The following WDR70 variants were observed in gnomAD, a reference collection of about 807,000 sequenced individuals.
WDR70 encodes WD repeat-containing protein 70.
WDR70 carries 53 observed loss-of-function variants against 88.6 expected under a neutral mutation model. The ratio of observed to expected loss-of-function variants is 0.60; its 90% CI spans 0.48 to 0.75. The LOEUF is 0.75. WDR70 is among the 30% of genes least tolerant of loss of function. The pLI is 0.00. For missense variants in WDR70, 610 were observed against 823.2 expected, an observed-to-expected ratio of 0.74 and a Z score of 3.17; for synonymous variants, 280 against 270.0, an observed-to-expected ratio of 1.04 and a Z score of -0.36.
Position 37,500,716 on chromosome 5 carries a change from C to CTTT in WDR70, c.841-15774_841-15772dup, listed in dbSNP as rs550821207. On this transcript the variant is annotated intron_variant, in intron 8 of 17. Coordinates refer to ENST00000265107, the MANE Select transcript of WDR70 (RefSeq NM_018034.4). ...GAGCATTTTATCATATATTTGTTGGCTTTTTTTTTTTTTTTTTTTTTTTTT... is the reference window on the plus strand; with the variant it reads ...GAGCATTTTATCATATATTTGTTGGCTTTTTTTTTTTTTTTTTTTTTTTTTTTT... Among the ~76,000 whole-genome samples, 567 of 63,258 alleles carry CTTT rather than the reference C, an allele frequency of 9.0e-3. 133 individuals carry two copies. The highest frequency in any genetic ancestry group is 0.014 in the African/African-American group (269 of 18,842). 41.5% of individuals were successfully genotyped at this position (63,258 alleles called of 152,430 possible). A position where few individuals can be genotyped will look rare whatever the true frequency, so the allele number is the denominator to read the frequency against.
rs138620985 is a variant in WDR70 at position 37,530,361 on chromosome 5, G to A, written c.917+13771G>A. On this transcript the variant is annotated intron_variant, in intron 9 of 17. Coordinates refer to ENST00000265107, the MANE Select transcript of WDR70 (RefSeq NM_018034.4). ...AGATTCCCTCTTTCTCTATCCTGTG[G>A]AACAGTGTCAATAGTATTGCTACCA... is the stretch of plus-strand genomic sequence containing the variant. Among the ~76,000 whole-genome samples the A allele has an allele frequency of 6.0e-3, 918 of 152,170 alleles. 2 individuals are homozygous for A. Among genetic ancestry groups the A allele is most frequent in the Middle Eastern group, 0.034 (10 of 294 alleles).
Position 37,737,626 on chromosome 5 carries a change from A to G in WDR70, c.1877+10581A>G, listed in dbSNP as rs186362000. Among the ~76,000 whole-genome samples, 4 of 152,274 alleles carry G rather than the reference A, an allele frequency of 2.6e-5. No individual in the cohort carries two copies. The East Asian group carries it at 7.7e-4, about 29-fold the overall frequency. On this transcript the variant is annotated intron_variant, in intron 17 of 17. Transcript: ENST00000265107. ...AGCTTTCGTGCATGTTTTTTAATAG[A>G]AATTGTGGCACACAGTTATATATCT...
At chr5:37,613,090 T>C (rs970691778) in intron 10 of WDR70, among the ~76,000 whole-genome samples, 28 of 152,338 alleles carry the variant, frequency 1.8e-4, no homozygotes, top group African/African-American at 6.7e-4. Flanking sequence ...GCAAATGCTT[T>C]TGTTACACAT....
chr5:37,473,184 T>A (rs543534001), intron 7 of WDR70, among the ~76,000 whole-genome samples: 1 of 150,518 alleles, frequency 6.6e-6, no homozygotes, highest in East Asian at 1.9e-4. Flanking sequence ...TGAATATATT[T>A]TGTTAAGTAT....
intron 10 of WDR70, among the ~76,000 whole-genome samples, chr5:37,688,185 G>T (rs1746670370): frequency 6.6e-6 from 1 of 152,090 alleles, no homozygotes; most frequent in Admixed American, 6.5e-5. Context: ...TTCCCTAAGG[G>T]TCATAGAGCT....
rs532560942 is a variant in WDR70, at chr5:37,396,435, C to T, written c.357C>T (p.Gly119=). 12 of 1,613,786 alleles carry T rather than the reference C, an allele frequency of 7.4e-6. No individual in the cohort carries two copies. Among genetic ancestry groups the T allele is most frequent in the Middle Eastern group, 1.6e-4 (1 of 6,062 alleles). Residue 119 remains glycine (G), a synonymous_variant, in exon 5 of 18, where the codon GGC becomes GGT. Transcript: ENST00000265107. Reference sequence around the variant, plus strand: ...ACTCTTCTGATGATGAGTTAATTGGCCCTCCTTTACCCCCTAAAATGGTAG... The same window carrying T: ...ACTCTTCTGATGATGAGTTAATTGGTCCTCCTTTACCCCCTAAAATGGTAG... ...SSDSSDDELI[G]PPLPPKMVGK... is the part of the protein sequence containing the mutation.
intron 9 of WDR70, among the ~76,000 whole-genome samples, chr5:37,527,813 G>A (rs1741344299): frequency 6.6e-6 from 1 of 152,158 alleles, no homozygotes; most frequent in Non-Finnish European, 1.5e-5. Flanking sequence ...CAAAAAGTGG[G>A]CAAAGGATAT....
intron 5 of WDR70, among the ~76,000 whole-genome samples, chr5:37,399,345 C>T (rs1011309884): frequency 3.3e-5 from 5 of 152,214 alleles, no homozygotes; most frequent in South Asian, 2.1e-4. Flanking sequence ...TGCTTGAACC[C>T]GCAAGGCCGA....
At chr5:37,633,854 C>A (rs1744885470) in intron 10 of WDR70, among the ~76,000 whole-genome samples, 1 of 152,054 alleles carries the variant, frequency 6.6e-6, no homozygotes, top group African/African-American at 2.4e-5. Context: ...CACAGTAGTC[C>A]TCTTATATAA....
intron 5 of WDR70, among the ~76,000 whole-genome samples, chr5:37,398,262 G>A (rs972071265): frequency 7.3e-5 from 11 of 151,692 alleles, no homozygotes; most frequent in African/African-American, 1.7e-4. Flanking sequence ...CTGATTTTTC[G>A]TATTTTTAGT....
intron 10 of WDR70, among the ~76,000 whole-genome samples, chr5:37,640,012 A>T (rs1036662780): frequency 7.9e-5 from 12 of 152,184 alleles, no homozygotes; most frequent in Non-Finnish European, 1.6e-4. Context: ...TGCCTATTTT[A>T]CAACTAGAAA....
intron 17 of WDR70, among the ~76,000 whole-genome samples, chr5:37,729,280 G>A (rs893352017): frequency 6.6e-6 from 1 of 152,132 alleles, no homozygotes; most frequent in Non-Finnish European, 1.5e-5. Flanking sequence ...TGTGCTGGAT[G>A]TGCTCCTTGC....
At chr5:37,404,999 G>A (rs894450509) in intron 5 of WDR70, among the ~76,000 whole-genome samples, 2 of 152,070 alleles carry the variant, frequency 1.3e-5, no homozygotes. Flanking sequence ...TTTTGGCCAG[G>A]TCAGCTCTGT....
Position 37,456,157 on chromosome 5 carries a change from A to T in WDR70, c.686+12785A>T, listed in dbSNP as rs1212305298. ...TTTGTCAGATGATATGTGAGTATTA[A>T]CTTTATAGGAAACTGCCCAACTTTT... is the stretch of plus-strand genomic sequence containing the variant. On this transcript the variant is annotated intron_variant, in intron 7 of 17. Coordinates refer to ENST00000265107, the MANE Select transcript of WDR70 (RefSeq NM_018034.4). 2.6e-5 allele frequency among the ~76,000 whole-genome samples: 4 copies of T among 152,194 alleles called. No individual in the cohort carries two copies. The East Asian group carries it at 7.7e-4, about 29-fold the overall frequency.
chr5:37,508,923 C>G (rs1221538785), intron 8 of WDR70, among the ~76,000 whole-genome samples: 1 of 152,098 alleles, frequency 6.6e-6, no homozygotes, highest in Non-Finnish European at 1.5e-5. Context: ...GTTTTCTTTT[C>G]TGTTTTTGAA....
rs149049666 is a variant in WDR70, at chr5:37,645,326, G to T, written c.1092+40088G>T. Reference sequence around the variant, plus strand: ...AATTCCCCTTGTTGTTGATTTCTAGGTTTATTCCATTGTGGTCAGAGAAGA... The same window carrying T: ...AATTCCCCTTGTTGTTGATTTCTAGTTTTATTCCATTGTGGTCAGAGAAGA... On this transcript the variant is annotated intron_variant, in intron 10 of 17. Transcript: ENST00000265107. Among the ~76,000 whole-genome samples the T allele has an allele frequency of 8.0e-4, 121 of 151,674 alleles. 1 individual carries two copies. Among genetic ancestry groups the T allele is most frequent in the African/African-American group, 2.8e-3 (114 of 41,390 alleles).
intron 9 of WDR70, among the ~76,000 whole-genome samples, chr5:37,585,602 G>T (rs1411169398): frequency 6.6e-6 from 1 of 152,018 alleles, no homozygotes. Flanking sequence ...TCATTTTTTA[G>T]TGTCTTTCTG....
chr5:37,506,085 G>A (rs1740551037), intron 8 of WDR70: 2 of 1,259,196 alleles, frequency 1.6e-6, no homozygotes, highest in Admixed American at 3.4e-5. Flanking sequence ...TTCAAGATTT[G>A]CACAGTAAAG....
At chr5:37,545,806 G>A (rs1314975992) in intron 9 of WDR70, among the ~76,000 whole-genome samples, 1 of 152,100 alleles carries the variant, frequency 6.6e-6, no homozygotes, top group Non-Finnish European at 1.5e-5. Context: ...TTACAGCTGT[G>A]AGCCACGACG....
Sources: gnomAD v4.1 joint callset for allele counts (sites outside exome capture counted in the v4.1 genomes callset) on GRCh38, gnomAD v4.1.1 for gene constraint, MANE v1.5 for transcripts, NCBI Gene and HGNC (gene_info 2026-07-23, HGNC 2026-07-21) for gene names.